UBA52: variants seen among roughly 807,000 people sequenced by gnomAD.
The protein encoded by UBA52 is ubiquitin A-52 residue ribosomal protein fusion product 1.
In UBA52, 1 loss-of-function variant was observed where a neutral mutation model predicts 15.3. That is an observed-to-expected ratio of 0.07 (90% CI 0.02 to 0.31). The LOEUF is 0.31. UBA52 is among the 10% of genes least tolerant of loss of function. The pLI, the probability that UBA52 is intolerant of heterozygous loss-of-function variation, is 1.00. For missense variants in UBA52, 87 were observed against 168.0 expected (o/e 0.52, Z 2.66); for synonymous variants, 50 against 58.3 (o/e 0.86, Z 0.65).
the UBA52 span, among the ~76,000 whole-genome samples, chr19:18,565,419 T>C: frequency 6.6e-6 from 1 of 151,996 alleles, no homozygotes; most frequent in Non-Finnish European, 1.5e-5. Flanking sequence ...TTAGTGGAGA[T>C]GGGGTTTCAC....
upstream of UBA52, among the ~76,000 whole-genome samples, chr19:18,566,792 CAAAAA>C (rs112810621): frequency 6.8e-4 from 77 of 113,742 alleles, no homozygotes; most frequent in Non-Finnish European, 1.2e-3. Context: ...GATTCTGTCT[CAAAAA>C]AAAAAAAAAA....
the UBA52 span, among the ~76,000 whole-genome samples, chr19:18,566,144 ATTC>A: frequency 6.6e-6 from 1 of 151,758 alleles, no homozygotes; most frequent in Non-Finnish European, 1.5e-5. Flanking sequence ...CAGTTTATTT[ATTC>A]TTAAAAAATG....
chr19:18,566,455 CA>C, the UBA52 span, among the ~76,000 whole-genome samples: 317 of 116,624 alleles, frequency 2.7e-3, 1 homozygote, highest in African/African-American at 8.6e-3. Flanking sequence ...GACTCCGTCT[CA>C]AAAAAAAAAA....
At chr19:18,569,727 G>C (rs1482127297), upstream of UBA52, among the ~76,000 whole-genome samples, 3 of 151,246 alleles carry the variant, frequency 2.0e-5, no homozygotes, top group Non-Finnish European at 2.9e-5. Flanking sequence ...CTCATCTTCT[G>C]AGTACTTAGA....
the UBA52 span, chr19:18,564,935 G>A: frequency 1.2e-5 from 20 of 1,613,452 alleles, no homozygotes; most frequent in Non-Finnish European, 1.7e-5. Context: ...GTGCCCGCCT[G>A]CAGCAGATGA....
chr19:18,573,517 T>G, intron 2 of UBA52, 114 bp downstream of exon 2: 1 of 1,296,372 alleles, frequency 7.7e-7, no homozygotes, highest in African/African-American at 1.5e-5. Flanking sequence ...TGCCCTTGCT[T>G]CTCCATGTGA....
chr19:18,572,934 A>G (rs1412056895), intron 1 of UBA52: 5 of 1,104,812 alleles, frequency 4.5e-6, no homozygotes, highest in Non-Finnish European at 5.6e-6. Context: ...TTCAGGGAAG[A>G]TGGATCTAGC....
rs578142917 is a variant in UBA52, at chr19:18,575,310, C to A, written c.*160C>A. ...GTGGGCATCTCCCTTAGGGACTCTA[C>A]TCAGCACTCCATTCTGTGCCACCTG... On this transcript the variant is annotated 3_prime_UTR_variant, in exon 5 of 5. Coordinates refer to ENST00000442744, the MANE Select transcript of UBA52 (RefSeq NM_001033930.3). 71 of 757,816 alleles carry A rather than the reference C, an allele frequency of 9.4e-5. No homozygotes were observed. In the Admixed American group the frequency reaches 1.4e-3, roughly 15 times the overall value. The allele number at this position is 757,816 out of a possible 1,614,324, so 46.9% of individuals were successfully genotyped here. A position where few individuals can be genotyped will look rare whatever the true frequency, so the allele number is the denominator to read the frequency against.
At chr19:18,568,409 A>G, upstream of UBA52, 4 of 1,613,210 alleles carry the variant, frequency 2.5e-6, no homozygotes, top group Non-Finnish European at 3.4e-6. Flanking sequence ...CAGATATCCC[A>G]GAGGCATCCT....
upstream of UBA52, chr19:18,571,685 A>AAGCGGGTGGGGCCCACAC: frequency 6.6e-6 from 1 of 152,094 alleles, no homozygotes; most frequent in Non-Finnish European, 1.5e-5. Flanking sequence ...GGGGCCCACA[A>AAGCGGGTGGGGCCCACAC]CCGGAAGCGG....
the UBA52 span, among the ~76,000 whole-genome samples, chr19:18,564,183 C>T: frequency 6.6e-6 from 1 of 152,140 alleles, no homozygotes; most frequent in South Asian, 2.1e-4. Context: ...CCATGCCCGG[C>T]TGGTCTCCTG....
chr19:18,566,675 C>G, the UBA52 span, among the ~76,000 whole-genome samples: 1 of 151,642 alleles, frequency 6.6e-6, no homozygotes, highest in African/African-American at 2.4e-5. Context: ...TGCCTGTAAT[C>G]CCAGCTACTT....
chr19:18,564,403 C>T, the UBA52 span, among the ~76,000 whole-genome samples: 2 of 151,970 alleles, frequency 1.3e-5, no homozygotes, highest in Admixed American at 6.6e-5. Flanking sequence ...GGGTGGATCA[C>T]GAGGTCAGGA....
At chr19:18,574,670 T>C (rs1975693378) in intron 3 of UBA52, among the ~76,000 whole-genome samples, 200 bp from the exon 4 acceptor site, 1 of 152,166 alleles carries the variant, frequency 6.6e-6, no homozygotes, top group Non-Finnish European at 1.5e-5. Context: ...GGGCTCGTGG[T>C]CAGTGCTGAG....
At chr19:18,568,301 C>A (rs1262896312), upstream of UBA52, 8 of 808,068 alleles carry the variant, frequency 9.9e-6, no homozygotes, top group Non-Finnish European at 1.6e-5. Context: ...GTCATACCCC[C>A]ATGGGGTGAG....
Position 18,574,898 on chromosome 19 carries a change from G to T in UBA52, c.219G>T (p.Leu73=), listed in dbSNP as rs1262547215. 1 of 1,613,896 alleles carries T rather than the reference G, an allele frequency of 6.2e-7. No individual in the cohort carries two copies. Among genetic ancestry groups the T allele is most frequent in the East Asian group, 2.2e-5 (1 of 44,886 alleles). ...KESTLHLVLR[L]RGGIIEPSLR... ...CCACCCTGCACCTGGTGTTGCGCCTGCGAGGTGGCATTATTGAGCCTTCTC... is the reference window on the plus strand; with the variant it reads ...CCACCCTGCACCTGGTGTTGCGCCTTCGAGGTGGCATTATTGAGCCTTCTC... The change falls in exon 4 of 5, where the codon CTG becomes CTT. Residue 73 remains leucine, a synonymous_variant. Transcript: ENST00000442744.
chr19:18,565,310 A>T, the UBA52 span: 3 of 622,396 alleles, frequency 4.8e-6, no homozygotes, highest in African/African-American at 3.8e-5. Context: ...GCTCACTGCA[A>T]GCTCCGCTTC....
chr19:18,568,218 GATTATACC>G (rs928080099), upstream of UBA52, among the ~76,000 whole-genome samples: 1 of 143,472 alleles, frequency 7.0e-6, no homozygotes, highest in African/African-American at 2.6e-5. Flanking sequence ...AGTGAGCCGA[GATTATACC>G]ATTGCACTCT....
chr19:18,573,226 C>T (rs537633954), intron 1 of UBA52, 67 bp from the exon 2 acceptor site: 2 of 1,444,560 alleles, frequency 1.4e-6, no homozygotes, highest in South Asian at 1.2e-5. Context: ...GTGGTGTAGG[C>T]ACCTGAGCTT....
Sources: allele counts gnomAD v4.1 joint callset (sites outside exome capture counted in the v4.1 genomes callset), GRCh38; gene constraint gnomAD v4.1.1; transcripts MANE v1.5; gene names NCBI Gene and HGNC (gene_info 2026-07-23, HGNC 2026-07-21).